RAB11FIP4: variants seen among roughly 807,000 people sequenced by gnomAD.
RAB11FIP4 encodes the protein rab11 family-interacting protein 4.
RAB11FIP4 carries 23 observed loss-of-function variants against 74.3 expected under a neutral mutation model. That is an observed-to-expected ratio of 0.31 (90% CI 0.22 to 0.44). RAB11FIP4 has a LOEUF of 0.44. Among genes scored for constraint, RAB11FIP4 ranks in the 20% least tolerant of loss-of-function variants. The pLI, the probability that RAB11FIP4 is intolerant of heterozygous loss-of-function variation, is 1.00. For missense variants in RAB11FIP4, 630 were observed against 863.9 expected, an observed-to-expected ratio of 0.73 and a Z score of 3.39; for synonymous variants, 360 against 359.9, an observed-to-expected ratio of 1.00 and a Z score of 0.00.
At chr17:31,528,033 A>G in intron 11 of RAB11FIP4, 110 bp downstream of exon 11, 1 of 785,352 alleles carries the variant, frequency 1.3e-6, no homozygotes. Flanking sequence ...ATGCAAAAAA[A>G]GTGAATAACA....
intron 13 of RAB11FIP4, among the ~76,000 whole-genome samples, chr17:31,529,409 A>C (rs148508334): frequency 6.6e-6 from 1 of 152,156 alleles, no homozygotes; most frequent in East Asian, 1.9e-4. Context: ...ACTACAGGAG[A>C]GCACCACCAC....
Position 31,522,370 on chromosome 17 carries a change from A to G in RAB11FIP4, c.904A>G (p.Lys302Glu). The G allele has an allele frequency of 6.2e-7, 1 of 1,613,948 alleles. No homozygotes were observed. The highest frequency in any genetic ancestry group is 2.2e-5 in the East Asian group (1 of 44,878). Residue 302 changes from lysine (K) to glutamate (E), a missense_variant, in exon 7 of 15, where the codon AAG (lysine) becomes GAG (glutamate). Lys to Glu is a moderately conservative substitution (Grantham distance 56). Transcript: ENST00000621161. The part of the protein sequence containing the change: ...KNLKANSPNR[K>E]ISSTAFGRQL... ...CCTTTCTCTCTCTAGCCCCAACCGAAAGATCTCCAGCACGGCCTTTGGACG... is the reference window on the plus strand; with the variant it reads ...CCTTTCTCTCTCTAGCCCCAACCGAGAGATCTCCAGCACGGCCTTTGGACG...
intron 1 of RAB11FIP4, among the ~76,000 whole-genome samples, chr17:31,398,743 G>A (rs977419598): frequency 3.9e-5 from 6 of 152,188 alleles, no homozygotes; most frequent in East Asian, 1.9e-4. Context: ...CCCTAGCACC[G>A]GGAAGAAAAC....
At chr17:31,499,438 C>G (rs1032824735) in intron 3 of RAB11FIP4, among the ~76,000 whole-genome samples, 2 of 152,222 alleles carry the variant, frequency 1.3e-5, no homozygotes, top group East Asian at 1.9e-4. Flanking sequence ...TCACTGCAAC[C>G]TCCTACTCCC....
chr17:31,472,748 G>A (rs1196187955), intron 3 of RAB11FIP4, among the ~76,000 whole-genome samples: 1 of 152,076 alleles, frequency 6.6e-6, no homozygotes, highest in African/African-American at 2.4e-5. Context: ...AGTGAGGGAT[G>A]GAGGCCAGGC....
At chr17:31,524,723 G>T in intron 9 of RAB11FIP4, 1 of 267,860 alleles carries the variant, frequency 3.7e-6, no homozygotes. Flanking sequence ...GGGAGTCAAG[G>T]TGCCCAATAA....
intron 3 of RAB11FIP4, among the ~76,000 whole-genome samples, chr17:31,463,105 C>A (rs2071648723): frequency 6.6e-6 from 1 of 152,210 alleles, no homozygotes; most frequent in Non-Finnish European, 1.5e-5. Context: ...CTTAAGCCAT[C>A]AACATGAGGA....
Position 31,391,790 on chromosome 17 carries a change from G to T in RAB11FIP4, c.-63G>T. On this transcript the variant is annotated 5_prime_UTR_variant, in exon 1 of 15. Coordinates refer to ENST00000621161, the MANE Select transcript of RAB11FIP4 (RefSeq NM_032932.6). ...GCCCCGGAGGGCGCGCGGCGATGGC[G>T]GCGGCGGGCAGGCGGCGGGCGCGGC... The T allele has an allele frequency of 1.0e-6, 1 of 973,254 alleles. No individual in the cohort carries two copies. The highest frequency in any genetic ancestry group is 4.6e-5 in the South Asian group (1 of 21,948). The allele number at this position is 973,254 out of a possible 1,614,324, so 60.3% of individuals were successfully genotyped here.
chr17:31,490,338 G>A (rs2071984883), intron 3 of RAB11FIP4, among the ~76,000 whole-genome samples: 1 of 152,126 alleles, frequency 6.6e-6, no homozygotes, highest in Non-Finnish European at 1.5e-5. Flanking sequence ...TGGGCAGCCC[G>A]TTATGCTGAG....
chr17:31,532,777 C>A lies in RAB11FIP4; in HGVS notation c.*1045C>A, dbSNP rs1469654661. The A allele has an allele frequency of 6.6e-6, 1 of 152,180 alleles. No individual in the cohort carries two copies. Among genetic ancestry groups the A allele is most frequent in the Non-Finnish European group, 1.5e-5 (1 of 68,032 alleles). 9.4% of individuals were successfully genotyped at this position (152,180 alleles called of 1,614,324 possible). On this transcript the variant is annotated 3_prime_UTR_variant, in exon 15 of 15. Coordinates refer to ENST00000621161, the MANE Select transcript of RAB11FIP4 (RefSeq NM_032932.6). ...CGTGTGGCAGCAAGACTGCTTCGTTCCAGCGTTTAGAAACACACCTGTATT... is the reference window on the plus strand; with the variant it reads ...CGTGTGGCAGCAAGACTGCTTCGTTACAGCGTTTAGAAACACACCTGTATT...
intron 3 of RAB11FIP4, chr17:31,509,278 C>CT (rs5819946): frequency 0.63 from 93,124 of 148,658 alleles, 28,755 homozygotes; most frequent in East Asian, 0.69. Flanking sequence ...AGCCTGCTTG[C>CT]TTCTCATGTG....
chr17:31,453,945 C>T (rs1476747037), intron 3 of RAB11FIP4, among the ~76,000 whole-genome samples: 1 of 152,082 alleles, frequency 6.6e-6, no homozygotes, highest in Non-Finnish European at 1.5e-5. Flanking sequence ...GGGGTGGTGA[C>T]CAGGTGCTGA....
intron 7 of RAB11FIP4, 37 bp downstream of exon 7, chr17:31,522,432 G>A: frequency 6.2e-7 from 1 of 1,602,658 alleles, no homozygotes; most frequent in Non-Finnish European, 8.5e-7. Context: ...ATTGAGTGCT[G>A]TCCCCATGCT....
intron 3 of RAB11FIP4, among the ~76,000 whole-genome samples, chr17:31,467,256 C>T (rs562024614): frequency 3.3e-5 from 5 of 152,122 alleles, no homozygotes; most frequent in Admixed American, 6.6e-5. Flanking sequence ...GGACTACAGG[C>T]GCATGCCACC....
At chr17:31,529,373 C>T (rs9906471) in intron 13 of RAB11FIP4, among the ~76,000 whole-genome samples, 5,669 of 152,268 alleles carry the variant, frequency 0.037, 337 homozygotes, top group African/African-American at 0.13. Context: ...AGCAATTCTC[C>T]TACCTCAGCC....
At chr17:31,497,393 T>C (rs1342284235) in intron 3 of RAB11FIP4, among the ~76,000 whole-genome samples, 2 of 150,498 alleles carry the variant, frequency 1.3e-5, no homozygotes, top group African/African-American at 4.9e-5. Context: ...AACTGCTTTG[T>C]GCTTGTTTAG....
At chr17:31,466,296 CG>C (rs2071685740) in intron 3 of RAB11FIP4, among the ~76,000 whole-genome samples, 1 of 152,130 alleles carries the variant, frequency 6.6e-6, no homozygotes, top group South Asian at 2.1e-4. Context: ...CCAGGCAGCC[CG>C]GGATTGATTC....
At chr17:31,432,307 C>T (rs971421719) in intron 2 of RAB11FIP4, among the ~76,000 whole-genome samples, 5 of 151,938 alleles carry the variant, frequency 3.3e-5, no homozygotes, top group African/African-American at 4.8e-5. Context: ...CATGACTGCC[C>T]GCCTCCCTCT....
At position 31,538,025 on chromosome 17, in the gene RAB11FIP4, G is replaced by A. The variant is rs528603321; in HGVS notation, c.*6293G>A. The A allele has an allele frequency of 6.6e-6, 1 of 152,486 alleles. No homozygotes were observed. The highest frequency in any genetic ancestry group is 2.1e-4 in the South Asian group (1 of 4,828). 9.4% of individuals were successfully genotyped at this position (152,486 alleles called of 1,614,324 possible). On this transcript the variant is annotated 3_prime_UTR_variant, in exon 15 of 15. Transcript: ENST00000621161. ...TGGAAACAGGCTTAGCTTTAGTGCT[G>A]GGGTGGGACCTGCCCTGTGGGCCCC...
Sources: gnomAD v4.1 joint callset for allele counts (sites outside exome capture counted in the v4.1 genomes callset) on GRCh38, gnomAD v4.1.1 for gene constraint, MANE v1.5 for transcripts, NCBI Gene and HGNC (gene_info 2026-07-23, HGNC 2026-07-21) for gene names.